Variants in TTBK1 observed in about 807,000 individuals in gnomAD.
TTBK1 encodes tau tubulin kinase 1.
TTBK1 carries 34 observed loss-of-function variants against 108.5 expected under a neutral mutation model. The observed-to-expected ratio is 0.31, with a 90% CI of 0.24 to 0.42. The LOEUF (loss-of-function observed/expected upper bound fraction) is 0.42, where lower values mean the gene tolerates loss of function less well. TTBK1 is among the 10% of genes least tolerant of loss of function. TTBK1 has a pLI of 1.00. For missense variants in TTBK1, 1,539 were observed against 1,826.0 expected, an observed-to-expected ratio of 0.84 and a Z score of 2.86; for synonymous variants, 809 against 795.1, an observed-to-expected ratio of 1.02 and a Z score of -0.29.
chr6:43,258,976 G>C (rs1777449491), intron 10 of TTBK1, 62 bp from the exon 11 acceptor site: 5 of 1,291,788 alleles, frequency 3.9e-6, no homozygotes, highest in African/African-American at 2.9e-5. Context: ...GGTAGGAGAG[G>C]GCCATGGAAG....
intron 13 of TTBK1, chr6:43,270,552 A>G (rs1777804933): frequency 2.0e-6 from 2 of 985,534 alleles, no homozygotes; most frequent in Non-Finnish European, 2.4e-6. Flanking sequence ...CCTGTGACCT[A>G]GCGAGACTTT....
At chr6:43,267,609 C>T (rs951444945) in intron 13 of TTBK1, among the ~76,000 whole-genome samples, 3 of 152,132 alleles carry the variant, frequency 2.0e-5, no homozygotes, top group African/African-American at 7.2e-5. Context: ...ATCTATTGTT[C>T]TTTGGTGATG....
chr6:43,246,737 C>T lies in TTBK1; in HGVS notation c.77C>T (p.Ala26Val). The T allele has an allele frequency of 6.2e-7, 1 of 1,611,420 alleles. No homozygotes were observed. The highest frequency in any genetic ancestry group is 2.2e-5 in the East Asian group (1 of 44,612). ...GGGEQADILPANYVVKDRWKV... is the reference protein window; with the variant it reads ...GGGEQADILPVNYVVKDRWKV... ...GGGGAGCAGGCCGACATCCTGCCGG[C>T]CAACTACGTGGTCAAGGATCGCTGG... The change falls in exon 2 of 15, where the codon GCC becomes GTC. Residue 26 changes from alanine (A) to valine (V), a missense_variant. Ala to Val is a moderately conservative substitution (Grantham distance 64, BLOSUM62 0). Around this residue, in one of 5 missense-constraint regions of TTBK1, gnomAD observed 45 missense variants for 38.0 expected, o/e 1.19. Transcript: ENST00000259750.
At position 43,244,781 on chromosome 6, in the gene TTBK1, C is replaced by T. The variant is rs533382075; in HGVS notation, c.-55+1073C>T. 2.0e-5 allele frequency among the ~76,000 whole-genome samples: 3 copies of T among 152,280 alleles called. 1 individual carries two copies. The highest frequency in any genetic ancestry group is 4.8e-5 in the African/African-American group (2 of 41,550). On this transcript the variant is annotated intron_variant, in intron 1 of 14. Transcript: ENST00000259750. ...ACTGGAAAGCCCACCAGAGTTCACC[C>T]AGTTTAGCTTCTGAAGGCCCCCTCC...
chr6:43,247,332 G>T (rs1777119077), intron 2 of TTBK1, among the ~76,000 whole-genome samples: 1 of 152,198 alleles, frequency 6.6e-6, no homozygotes, highest in Admixed American at 6.5e-5. Flanking sequence ...GGGGCTTCGG[G>T]CTGCTCGGCC....
intron 13 of TTBK1, among the ~76,000 whole-genome samples, chr6:43,278,803 A>G (rs1778074461): frequency 6.6e-6 from 1 of 152,198 alleles, no homozygotes; most frequent in South Asian, 2.1e-4. Flanking sequence ...GGAGGGAGGA[A>G]TTTGAGCCCA....
At position 43,259,065 on chromosome 6, in the gene TTBK1, G is replaced by T. The variant is rs149663965; in HGVS notation, c.1044G>T (p.Gly348=). 1.2e-6 allele frequency: 2 copies of T among 1,613,594 alleles called. No homozygotes were observed. Among genetic ancestry groups the T allele is most frequent in the Non-Finnish European group, 1.7e-6 (2 of 1,179,694 alleles). Residue 348 remains glycine (G), a synonymous_variant, in exon 11 of 15, where the codon GGG becomes GGT. Transcript: ENST00000259750. This position sits in a 1 kb window ranked among gnomAD's most constrained non-coding sequence, Gnocchi z 6.7. ...FGVVNVTPVP[G]DLLRENTEDV... Reference sequence around the variant, plus strand: ...TGGTCAATGTGACGCCAGTGCCTGGGGACCTGCTCCGGGAGAACACCGAGG... The same window carrying T: ...TGGTCAATGTGACGCCAGTGCCTGGTGACCTGCTCCGGGAGAACACCGAGG...
At chr6:43,258,971 G>T in intron 10 of TTBK1, 67 bp from the exon 11 acceptor site, 1 of 1,248,328 alleles carries the variant, frequency 8.0e-7, no homozygotes, top group South Asian at 1.4e-5. Flanking sequence ...GTGCTGGTAG[G>T]AGAGGGCCAT....
Position 43,285,133 on chromosome 6 carries a change from C to T in TTBK1, c.3723C>T (p.Ala1241=), listed in dbSNP as rs1440225449. The change falls in exon 15 of 15, where the codon GCC becomes GCT. Residue 1241 remains alanine, a synonymous_variant. Coordinates refer to ENST00000259750, the MANE Select transcript of TTBK1 (RefSeq NM_032538.3). This position sits in a 1 kb window ranked among gnomAD's most constrained non-coding sequence, Gnocchi z 4.7. ...RSPRLPASTS[A]ARNASASPRS... ...CGCGCCTCCCCGCGTCCACATCCGC[C>T]GCGCGCAATGCCAGCGCGTCCCCCC... 12 of 1,453,076 alleles carry T rather than the reference C, an allele frequency of 8.3e-6. No homozygotes were observed. The highest frequency in any genetic ancestry group is 1.1e-5 in the Non-Finnish European group (12 of 1,110,232). The allele number at this position is 1,453,076 out of a possible 1,614,324, so 90.0% of individuals were successfully genotyped here.
At chr6:43,249,955 G>A (rs1423916325) in intron 2 of TTBK1, among the ~76,000 whole-genome samples, 1 of 151,650 alleles carries the variant, frequency 6.6e-6, no homozygotes, top group African/African-American at 2.4e-5. Flanking sequence ...TGTGTCTCAT[G>A]GATAAGTCAG....
At position 43,286,945 on chromosome 6, in the gene TTBK1, T is replaced by A. The variant is rs1778396579; in HGVS notation, c.*1569T>A. ...AGGGAAAGAGGAAGAAAGGCCTTAG[T>A]GTGCCCCAGCAGTCTGGCTGCGTCC... On this transcript the variant is annotated 3_prime_UTR_variant, in exon 15 of 15. Coordinates refer to ENST00000259750, the MANE Select transcript of TTBK1 (RefSeq NM_032538.3). This position sits in a 1 kb window ranked among gnomAD's most constrained non-coding sequence, Gnocchi z 4.6. 6.6e-6 allele frequency: 1 copy of A among 152,590 alleles called. No individual in the cohort carries two copies. The allele number at this position is 152,590 out of a possible 1,614,324, so 9.5% of individuals were successfully genotyped here.
rs1361102028 is a variant in TTBK1, at chr6:43,271,395, T to G, written c.1986+8045T>G. Reference sequence around the variant, plus strand: ...CCATTTACATAGACCTCAATGTGACTGGCACGTGCGCAAGTTGCACAGTGC... The same window carrying G: ...CCATTTACATAGACCTCAATGTGACGGGCACGTGCGCAAGTTGCACAGTGC... On this transcript the variant is annotated intron_variant, in intron 13 of 14. Transcript: ENST00000259750. 3.0e-6 allele frequency: 3 copies of G among 985,342 alleles called. No individual in the cohort carries two copies. In the African/African-American group the frequency reaches 5.2e-5, roughly 17 times the overall value. 61.0% of individuals were successfully genotyped at this position (985,342 alleles called of 1,614,324 possible).
chr6:43,275,483 G>A (rs902180931), intron 13 of TTBK1, among the ~76,000 whole-genome samples: 4 of 151,958 alleles, frequency 2.6e-5, no homozygotes, highest in African/African-American at 9.7e-5. Context: ...AGTGCTGCCA[G>A]GCTGGGGTGC....
rs1407673591 is a variant in TTBK1, at chr6:43,263,284, C to T, written c.1920C>T (p.His640=). 2.0e-6 allele frequency: 3 copies of T among 1,522,890 alleles called. No individual in the cohort carries two copies. Among genetic ancestry groups the T allele is most frequent in the Non-Finnish European group, 1.8e-6 (2 of 1,132,574 alleles). 94.3% of individuals were successfully genotyped at this position (1,522,890 alleles called of 1,614,324 possible). Residue 640 remains histidine (H), a synonymous_variant, in exon 13 of 15, where the codon CAC becomes CAT. Coordinates refer to ENST00000259750, the MANE Select transcript of TTBK1 (RefSeq NM_032538.3). This position sits in a 1 kb window ranked among gnomAD's most constrained non-coding sequence, Gnocchi z 4.7. ...CCCCCACGCCTGGCAGCCCTTCCCA[C>T]TCACCCCTGCACTCGGGACCCCGCC... ...SQPPTPGSPS[H]SPLHSGPRPR... is the part of the protein sequence containing the mutation.
intron 14 of TTBK1, among the ~76,000 whole-genome samples, chr6:43,284,756 G>GCCAGCAGCAGGCTCTT (rs1440915153): frequency 6.6e-6 from 1 of 152,130 alleles, no homozygotes; most frequent in East Asian, 1.9e-4. Context: ...CCCAAAGAAA[G>GCCAGCAGCAGGCTCTT]CCAGCAGCAG....
intron 1 of TTBK1, among the ~76,000 whole-genome samples, chr6:43,245,367 A>G (rs1369894223): frequency 1.3e-5 from 2 of 152,136 alleles, no homozygotes; most frequent in Non-Finnish European, 2.9e-5. Flanking sequence ...GAAAGAGAAG[A>G]GGAAAATATC....
chr6:43,258,036 C>T (rs1000872226), intron 10 of TTBK1, 70 bp downstream of exon 10: 8 of 1,519,550 alleles, frequency 5.3e-6, no homozygotes, highest in East Asian at 2.3e-5. Flanking sequence ...GCGGTCCTCT[C>T]CTCTCCTCTC....
At chr6:43,271,147 A>G in intron 13 of TTBK1, 1 of 985,486 alleles carries the variant, frequency 1.0e-6, no homozygotes, top group Non-Finnish European at 1.2e-6. Context: ...GGAATGCGGT[A>G]GTAGTGAAGT....
rs1242839606 is a variant in TTBK1, at chr6:43,246,635, C to A, written c.-26C>A. The A allele has an allele frequency of 1.3e-6, 2 of 1,571,906 alleles. No individual in the cohort carries two copies. Among genetic ancestry groups the A allele is most frequent in the Non-Finnish European group, 8.7e-7 (1 of 1,154,688 alleles). On this transcript the variant is annotated 5_prime_UTR_variant, in exon 2 of 15. Transcript: ENST00000259750. ...GATGGCCCCCTCAGGGCAGGCCCGG[C>A]GGACACCCCTCCCTCTGGCTGGCGG...
Sources: gnomAD v4.1 joint callset for allele counts (sites outside exome capture counted in the v4.1 genomes callset) on GRCh38, gnomAD v4.1.1 for gene constraint, gnomAD v4.1.1 regional missense constraint, Gnocchi (gnomAD v3.1) non-coding constraint, MANE v1.5 for transcripts, NCBI Gene and HGNC (gene_info 2026-07-23, HGNC 2026-07-21) for gene names.